The following LARGE1 variants were observed in gnomAD, a reference collection of about 807,000 sequenced individuals.
LARGE1 encodes the protein LARGE xylosyl- and glucuronyltransferase 1.
In LARGE1, 43 loss-of-function variants were observed where a neutral mutation model predicts 87.6. The ratio of observed to expected loss-of-function variants is 0.49; its 90% CI spans 0.38 to 0.63. The LOEUF is 0.63. Ranked by LOEUF, LARGE1 falls within the 30% of genes least tolerant of loss-of-function variation. The pLI, the probability that LARGE1 is intolerant of heterozygous loss-of-function variation, is 0.00. For synonymous variants in LARGE1, 434 were observed against 394.6 expected (o/e 1.10, Z -1.18); for missense variants, 802 against 1,000.2 (o/e 0.80, Z 2.67).
At chr22:33,316,755 G>GA (rs1230622701) in intron 10 of LARGE1, among the ~76,000 whole-genome samples, 1 of 150,952 alleles carries the variant, frequency 6.6e-6, no homozygotes, top group Non-Finnish European at 1.5e-5. Flanking sequence ...AACAAACAAA[G>GA]AAAAAAACAA....
chr22:33,610,368 A>G (rs2079391969), intron 4 of LARGE1, among the ~76,000 whole-genome samples: 1 of 152,214 alleles, frequency 6.6e-6, no homozygotes, highest in South Asian at 2.1e-4. Context: ...TGAGGAACTT[A>G]TTGGGAACTT....
At chr22:33,113,181 T>C in the LARGE1 span, among the ~76,000 whole-genome samples, 2 of 152,048 alleles carry the variant, frequency 1.3e-5, no homozygotes, top group African/African-American at 4.8e-5. Flanking sequence ...TAGAGCCTTA[T>C]GTATATTTAC....
chr22:33,789,231 G>T (rs1021250481), intron 1 of LARGE1, among the ~76,000 whole-genome samples: 1 of 152,212 alleles, frequency 6.6e-6, no homozygotes, highest in African/African-American at 2.4e-5. Context: ...CCATTGCTTC[G>T]GAGGGTGCAA....
At chr22:33,150,602 A>G in the LARGE1 span, among the ~76,000 whole-genome samples, 2 of 152,224 alleles carry the variant, frequency 1.3e-5, no homozygotes, top group African/African-American at 4.8e-5. Flanking sequence ...CTCAAGATCT[A>G]TCATTCATTT....
At chr22:33,185,130 T>C (rs1486036878) in intron 11 of LARGE1, among the ~76,000 whole-genome samples, 1 of 152,178 alleles carries the variant, frequency 6.6e-6, no homozygotes, top group Non-Finnish European at 1.5e-5. Context: ...GTATTCACAA[T>C]TGTCCAAACT....
intron 6 of LARGE1, 62 bp downstream of exon 6, chr22:33,564,786 C>T: frequency 5.1e-6 from 8 of 1,575,778 alleles, no homozygotes; most frequent in Non-Finnish European, 6.1e-6. Flanking sequence ...AAGTCAACCC[C>T]TATTCTTGGC....
intron 6 of LARGE1, among the ~76,000 whole-genome samples, chr22:33,464,071 C>T (rs765259969): frequency 6.6e-6 from 1 of 152,038 alleles, no homozygotes; most frequent in Non-Finnish European, 1.5e-5. Context: ...ATTATAAAGG[C>T]ATAATAATCT....
At chr22:33,275,927 AT>A (rs979916413) in intron 14 of LARGE1, among the ~76,000 whole-genome samples, 1 of 152,196 alleles carries the variant, frequency 6.6e-6, no homozygotes, top group Non-Finnish European at 1.5e-5. Context: ...CATTCAAAGT[AT>A]TATAAAAAAT....
At chr22:33,361,862 G>A (rs935518383) in intron 9 of LARGE1, among the ~76,000 whole-genome samples, 5 of 147,784 alleles carry the variant, frequency 3.4e-5, no homozygotes, top group African/African-American at 1.2e-4. Flanking sequence ...TCTCACTAGA[G>A]ACTTTTCTGA....
At chr22:33,694,089 G>A (rs1292257881) in intron 2 of LARGE1, among the ~76,000 whole-genome samples, 1 of 152,160 alleles carries the variant, frequency 6.6e-6, no homozygotes, top group Non-Finnish European at 1.5e-5. Context: ...TCTGGAATCA[G>A]TTTTTCCTGG....
intron 7 of LARGE1, among the ~76,000 whole-genome samples, chr22:33,416,769 A>AT (rs1160264942): frequency 6.6e-6 from 1 of 151,506 alleles, no homozygotes; most frequent in East Asian, 1.9e-4. Context: ...AGCCCGGCTA[A>AT]TTTTTTGTAT....
intron 11 of LARGE1, among the ~76,000 whole-genome samples, chr22:33,314,949 C>A (rs995614747): frequency 6.6e-6 from 1 of 152,180 alleles, no homozygotes; most frequent in African/African-American, 2.4e-5. Context: ...GGGGCTCACA[C>A]TTGTAATCCC....
the LARGE1 span, among the ~76,000 whole-genome samples, chr22:33,101,659 G>A: frequency 2.3e-3 from 354 of 152,242 alleles, 1 homozygote; most frequent in African/African-American, 7.9e-3. Context: ...GATGTCAGAT[G>A]GCACACATTT....
chr22:33,581,761 G>T (rs1372524941), intron 5 of LARGE1, among the ~76,000 whole-genome samples: 1 of 148,746 alleles, frequency 6.7e-6, no homozygotes, highest in African/African-American at 2.5e-5. Flanking sequence ...GCAGTGAGCC[G>T]AGATTGTGCC....
At chr22:33,303,177 A>G (rs186063150) in intron 12 of LARGE1, among the ~76,000 whole-genome samples, 2 of 152,304 alleles carry the variant, frequency 1.3e-5, no homozygotes, top group East Asian at 3.9e-4. Context: ...CAGCCATCTA[A>G]GCCTTCCATT....
chr22:33,262,228 C>T (rs1201205426), intron 11 of LARGE1, among the ~76,000 whole-genome samples: 3 of 152,200 alleles, frequency 2.0e-5, no homozygotes, highest in Admixed American at 6.5e-5. Context: ...CTGGCACATC[C>T]GGCTTCAAGA....
intron 2 of LARGE1, among the ~76,000 whole-genome samples, chr22:33,693,972 C>G (rs1168497452): frequency 6.6e-6 from 1 of 152,198 alleles, no homozygotes; most frequent in Non-Finnish European, 1.5e-5. Flanking sequence ...GACCATTTTA[C>G]TCAGGGACCC....
At chr22:33,532,818 T>C (rs972474728) in intron 6 of LARGE1, among the ~76,000 whole-genome samples, 2 of 152,164 alleles carry the variant, frequency 1.3e-5, no homozygotes, top group African/African-American at 2.4e-5. Flanking sequence ...GAGTGCCAAG[T>C]AGTGTTAGGC....
At chr22:33,607,423 T>C (rs1164294375) in intron 4 of LARGE1, among the ~76,000 whole-genome samples, 1 of 131,340 alleles carries the variant, frequency 7.6e-6, no homozygotes, top group African/African-American at 3.1e-5. Context: ...ATCGTGCCAT[T>C]GCACTCCAGC....
Sources: gnomAD v4.1 joint callset for allele counts (sites outside exome capture counted in the v4.1 genomes callset) on GRCh38, gnomAD v4.1.1 for gene constraint, MANE v1.5 for transcripts, NCBI Gene and HGNC (gene_info 2026-07-23, HGNC 2026-07-21) for gene names.